Variants in CLDN18 observed in about 807,000 individuals in gnomAD.
CLDN18 encodes the protein claudin-18.
Under a neutral mutation model 25.0 loss-of-function variants are expected in CLDN18, and 20 were observed. The observed-to-expected ratio is 0.80, with a 90% confidence interval of 0.56 to 1.16. The LOEUF (loss-of-function observed/expected upper bound fraction) is 1.16, where lower values mean the gene tolerates loss of function less well. CLDN18 is among the 50% of genes most tolerant of loss of function. The probability of loss-of-function intolerance (pLI) is 0.00; values close to 1 mark genes in which losing one functional copy is unlikely to be tolerated. For synonymous variants in CLDN18, 125 were observed against 135.6 expected, an observed-to-expected ratio of 0.92 and a Z score of 0.54; for missense variants, 297 against 345.4, an observed-to-expected ratio of 0.86 and a Z score of 1.11.
At chr3:138,028,373 T>C (rs1942351884) in intron 3 of CLDN18, among the ~76,000 whole-genome samples, 1 of 152,210 alleles carries the variant, frequency 6.6e-6, no homozygotes, top group Non-Finnish European at 1.5e-5. Context: ...CCAATGTGTG[T>C]GCTTTTAAAG....
rs1255227498 is a variant in CLDN18 at position 138,029,813 on chromosome 3, G to A, written c.520G>A (p.Ala174Thr). ...TVQTRYTFGA[A>T]LFVGWVAGGL... is the part of the protein sequence containing the mutation. The stretch of plus-strand genomic sequence containing the variant: ...CCTACCCAGGTACACATTTGGTGCG[G>A]CTCTGTTCGTGGGCTGGGTCGCTGG... The change falls in exon 4 of 5, where the codon GCT becomes ACT. Residue 174 changes from alanine to threonine, a missense_variant. Physicochemically the swap from Ala to Thr is moderately conservative, Grantham distance 58. Transcript: ENST00000183605. 1.3e-6 allele frequency: 2 copies of A among 1,580,116 alleles called. No homozygotes were observed. The highest frequency in any genetic ancestry group is 1.3e-5 in the African/African-American group (1 of 74,334).
chr3:138,015,772 T>C (rs184774267), intron 1 of CLDN18, among the ~76,000 whole-genome samples: 1 of 152,364 alleles, frequency 6.6e-6, no homozygotes, highest in East Asian at 1.9e-4. Flanking sequence ...CATTGCCAGT[T>C]ATTAAATTCT....
At chr3:138,003,485 A>C (rs1405075887) in intron 1 of CLDN18, among the ~76,000 whole-genome samples, 1 of 152,184 alleles carries the variant, frequency 6.6e-6, no homozygotes, top group Non-Finnish European at 1.5e-5. Context: ...TATGTTAAGA[A>C]AATTAAAAGG....
chr3:138,000,392 T>G (rs1044517103), intron 1 of CLDN18, among the ~76,000 whole-genome samples: 1 of 152,078 alleles, frequency 6.6e-6, no homozygotes, highest in African/African-American at 2.4e-5. Flanking sequence ...GGCAAAGCCA[T>G]GAGGGTGCCA....
At chr3:138,008,078 T>C (rs1942088086), upstream of CLDN18, among the ~76,000 whole-genome samples, 1 of 152,174 alleles carries the variant, frequency 6.6e-6, no homozygotes, top group South Asian at 2.1e-4. Context: ...CTTCCCTATT[T>C]GCTTTCTGTG....
upstream of CLDN18, among the ~76,000 whole-genome samples, chr3:138,006,661 A>T (rs981912244): frequency 1.3e-5 from 2 of 152,236 alleles, no homozygotes; most frequent in Non-Finnish European, 2.9e-5. Context: ...TTTGGCAGAT[A>T]CGGCTAAAAT....
At chr3:138,001,511 C>T (rs1039621845) in intron 1 of CLDN18, among the ~76,000 whole-genome samples, 2 of 151,922 alleles carry the variant, frequency 1.3e-5, no homozygotes, top group African/African-American at 4.8e-5. Context: ...TGTGAGCCAC[C>T]GCGCCCGGCA....
chr3:138,016,992 G>A (rs2107882237), intron 1 of CLDN18, among the ~76,000 whole-genome samples: 1 of 151,728 alleles, frequency 6.6e-6, no homozygotes, highest in African/African-American at 2.4e-5. Context: ...GGAGGCAGAG[G>A]TTGCAGTGAG....
chr3:138,023,308 A>G (rs1942290426), intron 1 of CLDN18, among the ~76,000 whole-genome samples: 2 of 152,316 alleles, frequency 1.3e-5, no homozygotes, highest in South Asian at 4.1e-4. Context: ...ACCTTAGGCA[A>G]ACTATTTTCC....
chr3:138,005,133 A>G (rs1254374574), intron 1 of CLDN18: 1 of 152,216 alleles, frequency 6.6e-6, no homozygotes, highest in East Asian at 1.9e-4. Context: ...TAGTAAATCA[A>G]TGAGGAAGGA....
At chr3:138,004,217 T>C (rs1942045296) in intron 1 of CLDN18, among the ~76,000 whole-genome samples, 1 of 152,148 alleles carries the variant, frequency 6.6e-6, no homozygotes, top group Non-Finnish European at 1.5e-5. Flanking sequence ...AACTACCCTA[T>C]GAAGTAAGTA....
intron 1 of CLDN18, among the ~76,000 whole-genome samples, chr3:138,002,824 T>C (rs1443739300): frequency 6.6e-6 from 1 of 152,116 alleles, no homozygotes; most frequent in African/African-American, 2.4e-5. Flanking sequence ...GCTGATTGGG[T>C]TTAGACAAAG....
At chr3:138,021,310 AT>A (rs1290408646) in intron 1 of CLDN18, among the ~76,000 whole-genome samples, 7 of 152,056 alleles carry the variant, frequency 4.6e-5, no homozygotes, top group East Asian at 3.9e-4. Flanking sequence ...CCAAATTTTA[AT>A]TTTGCCTGGA....
chr3:138,007,942 T>C (rs1942086965), upstream of CLDN18, among the ~76,000 whole-genome samples: 1 of 152,184 alleles, frequency 6.6e-6, no homozygotes, highest in Admixed American at 6.5e-5. Context: ...GTAGATCATG[T>C]AACTGTTGCT....
intron 1 of CLDN18, among the ~76,000 whole-genome samples, chr3:138,016,197 T>C (rs1469208574): frequency 6.6e-6 from 1 of 152,190 alleles, no homozygotes; most frequent in Admixed American, 6.5e-5. Context: ...GGGAAGGACA[T>C]GCCCAAGGCC....
In CLDN18 at chr3:138,023,358, A is replaced by G. The variant is rs193181332; in HGVS notation, c.221-300A>G. 3.1e-3 allele frequency among the ~76,000 whole-genome samples: 472 copies of G among 152,310 alleles called. 4 individuals carry two copies. Among genetic ancestry groups the G allele is most frequent in the African/African-American group, 0.011 (446 of 41,562 alleles). On this transcript the variant is annotated intron_variant, in intron 1 of 4. Coordinates refer to ENST00000183605, the MANE Select transcript of CLDN18 (RefSeq NM_016369.4). ...AGATTATCAAGCTTTAAAAATGAGG[A>G]AGCTGAAATAGATACAATCCAAGGG...
exon 1 of CLDN18, chr3:137,998,836 T>C: frequency 6.2e-7 from 1 of 1,603,554 alleles, no homozygotes; most frequent in Non-Finnish European, 8.5e-7. Context: ...TGTCCACTTG[T>C]CGTGTGGCTC....
At chr3:138,029,978 GC>G in intron 4 of CLDN18, 71 bp downstream of exon 4, 3 of 954,728 alleles carry the variant, frequency 3.1e-6, no homozygotes, top group East Asian at 2.6e-5. Flanking sequence ...ATAACTTGCA[GC>G]CAAAAAAAAA....
At position 138,023,837 on chromosome 3, in the gene CLDN18, T is replaced by C. The variant is rs1942296438; in HGVS notation, c.385+15T>C. The C allele has an allele frequency of 1.3e-6, 2 of 1,598,466 alleles. No homozygotes were observed. The highest frequency in any genetic ancestry group is 2.2e-5 in the South Asian group (2 of 89,992). Reference sequence around the variant, plus strand: ...CATTGTCTCAGGTAAACACAGAGCCTGGAGTTCCCACTTCTGCGAATGTCA... The same window carrying C: ...CATTGTCTCAGGTAAACACAGAGCCCGGAGTTCCCACTTCTGCGAATGTCA... On this transcript the variant is annotated intron_variant, in intron 2 of 4. Coordinates refer to ENST00000183605, the MANE Select transcript of CLDN18 (RefSeq NM_016369.4).
Sources: gnomAD v4.1 joint callset for allele counts (sites outside exome capture counted in the v4.1 genomes callset) on GRCh38, gnomAD v4.1.1 for gene constraint, MANE v1.5 for transcripts, NCBI Gene and HGNC (gene_info 2026-07-23, HGNC 2026-07-21) for gene names.